CORIN: variants seen among roughly 807,000 people sequenced by gnomAD.
CORIN encodes atrial natriuretic peptide-converting enzyme.
A neutral mutation model predicts 125.3 loss-of-function variants in CORIN; 117 were observed. That is an observed-to-expected ratio of 0.93 (90% confidence interval 0.80 to 1.09). CORIN has a LOEUF of 1.09. Among genes scored for constraint, CORIN ranks in the 50% least tolerant of loss-of-function variants. The pLI, the probability that CORIN is intolerant of heterozygous loss-of-function variation, is 0.00. For synonymous variants in CORIN, 450 were observed against 466.4 expected, an observed-to-expected ratio of 0.96 and a Z score of 0.45; for missense variants, 1,253 against 1,306.7, an observed-to-expected ratio of 0.96 and a Z score of 0.63.
At chr4:47,727,170 T>G (rs1193315142) in intron 5 of CORIN, among the ~76,000 whole-genome samples, 2 of 152,044 alleles carry the variant, frequency 1.3e-5, no homozygotes, top group Non-Finnish European at 2.9e-5. Context: ...ATAATTTTAA[T>G]GATAAATCAT....
chr4:47,731,348 G>A (rs552452552), intron 5 of CORIN, among the ~76,000 whole-genome samples: 12 of 152,316 alleles, frequency 7.9e-5, no homozygotes, highest in African/African-American at 2.2e-4. Context: ...GAGGAGGGAT[G>A]TGGGCTAGAG....
intron 4 of CORIN, among the ~76,000 whole-genome samples, chr4:47,762,477 T>C (rs1213671018): frequency 6.6e-6 from 1 of 152,230 alleles, no homozygotes; most frequent in African/African-American, 2.4e-5. Context: ...AAAAATTCCA[T>C]GATATACTTT....
rs939033106 is a variant in CORIN at position 47,678,203 on chromosome 4, G to T, written c.1133-149C>A. On this transcript the variant is annotated intron_variant, in intron 8 of 21. Transcript: ENST00000273857. ...GAACATATCATTGATTTTATTTCTA[G>T]AATTTTTCCTGCCTTATTGAACAGC... 3 of 638,246 alleles carry T rather than the reference G, an allele frequency of 4.7e-6. No homozygotes were observed. The African/African-American group carries it at 5.5e-5, about 12-fold the overall frequency. The allele number at this position is 638,246 out of a possible 1,614,324, so 39.5% of individuals were successfully genotyped here. A position where few individuals can be genotyped will look rare whatever the true frequency, so the allele number is the denominator to read the frequency against.
At chr4:47,633,306 A>C (rs1722911825) in intron 16 of CORIN, among the ~76,000 whole-genome samples, 1 of 152,208 alleles carries the variant, frequency 6.6e-6, no homozygotes, top group Non-Finnish European at 1.5e-5. Context: ...ACAAAATTGT[A>C]ATGTGAACTA....
Position 47,791,917 on chromosome 4 carries a change from C to T in CORIN, c.209-4992G>A, listed in dbSNP as rs112481358. 2.6e-3 allele frequency among the ~76,000 whole-genome samples: 401 copies of T among 152,152 alleles called. 2 individuals are homozygous for T. The highest frequency in any genetic ancestry group is 8.6e-3 in the African/African-American group (356 of 41,488). ...ATGTTTATAGATTAGTTGAGGGAGA[C>T]GGGCAGGCAATCTAAAAAATATTAA... On this transcript the variant is annotated intron_variant, in intron 2 of 21. Coordinates refer to ENST00000273857, the MANE Select transcript of CORIN (RefSeq NM_006587.4).
intron 12 of CORIN, 89 bp from the exon 13 acceptor site, chr4:47,653,749 CT>C: frequency 1.7e-6 from 2 of 1,167,132 alleles, no homozygotes; most frequent in Non-Finnish European, 2.5e-6. Context: ...TGTCAAGGAG[CT>C]TTTACTGAAG....
intron 1 of CORIN, among the ~76,000 whole-genome samples, chr4:47,815,029 G>A (rs1433384321): frequency 1.3e-5 from 2 of 152,094 alleles, no homozygotes; most frequent in Non-Finnish European, 2.9e-5. Flanking sequence ...TAACATTAGT[G>A]TTTCTGTTTT....
intron 9 of CORIN, 116 bp downstream of exon 9, chr4:47,677,822 G>A (rs1199525087): frequency 2.8e-6 from 2 of 723,298 alleles, no homozygotes; most frequent in Non-Finnish European, 4.9e-6. Flanking sequence ...ACTATGTTAG[G>A]CAATCTGGGA....
intron 12 of CORIN, chr4:47,661,470 CA>C (rs1005077213): frequency 4.5e-6 from 2 of 443,386 alleles, no homozygotes; most frequent in Non-Finnish European, 4.0e-6. Flanking sequence ...TATGTACCCA[CA>C]AAAATAAAAG....
Position 47,786,917 on chromosome 4 carries a change from G to A in CORIN, c.217C>T (p.Gln73Ter). 1.2e-6 allele frequency: 2 copies of A among 1,609,086 alleles called. No individual in the cohort carries two copies. The highest frequency in any genetic ancestry group is 1.7e-6 in the Non-Finnish European group (2 of 1,176,068). The part of the protein sequence containing the change: ...VILLSYVGTL[Q>*]KVYFKSNGSE... ...CCATTTGATTTAAAATAGACCTTTT[G>A]TAATGTTCCTGAAAGACAAAAACAA... Residue 73 changes from glutamine (Q) to a stop codon, truncating the protein, a stop_gained, in exon 3 of 22, where the codon CAA becomes TAA. Coordinates refer to ENST00000273857, the MANE Select transcript of CORIN (RefSeq NM_006587.4). LOFTEE classifies it high-confidence loss of function.
At chr4:47,713,991 T>C (rs1726975388) in intron 5 of CORIN, among the ~76,000 whole-genome samples, 1 of 152,148 alleles carries the variant, frequency 6.6e-6, no homozygotes, top group South Asian at 2.1e-4. Context: ...TGAATTAAAA[T>C]AGAGGTACCT....
At chr4:47,661,194 G>T (rs1166702334) in intron 12 of CORIN, among the ~76,000 whole-genome samples, 1 of 152,052 alleles carries the variant, frequency 6.6e-6, no homozygotes, top group Non-Finnish European at 1.5e-5. Context: ...GGGTAGTGGT[G>T]GGGGAAAGCA....
Position 47,595,674 on chromosome 4 carries a change from C to G in CORIN, c.*47G>C. The G allele has an allele frequency of 6.7e-7, 1 of 1,489,662 alleles. No homozygotes were observed. Among genetic ancestry groups the G allele is most frequent in the Non-Finnish European group, 9.1e-7 (1 of 1,100,166 alleles). 92.3% of individuals were successfully genotyped at this position (1,489,662 alleles called of 1,614,324 possible). A position where few individuals can be genotyped will look rare whatever the true frequency, so the allele number is the denominator to read the frequency against. Reference sequence around the variant, plus strand: ...GGCAGCTCTTCACAGTCAAGAAGGCCATTTTCTTTTAGTGTAGCTGGCAAA... The same window carrying G: ...GGCAGCTCTTCACAGTCAAGAAGGCGATTTTCTTTTAGTGTAGCTGGCAAA... On this transcript the variant is annotated 3_prime_UTR_variant, in exon 22 of 22. Transcript: ENST00000273857.
intron 21 of CORIN, among the ~76,000 whole-genome samples, chr4:47,596,185 A>T (rs1375699447): frequency 6.6e-6 from 1 of 152,174 alleles, no homozygotes; most frequent in Non-Finnish European, 1.5e-5. Flanking sequence ...TTCTGCACTT[A>T]TAAAAATATG....
At chr4:47,768,433 C>T (rs1729866133) in intron 3 of CORIN, among the ~76,000 whole-genome samples, 1 of 152,174 alleles carries the variant, frequency 6.6e-6, no homozygotes, top group African/African-American at 2.4e-5. Flanking sequence ...TCAAACTCTT[C>T]CAAAAAACTG....
chr4:47,735,264 G>A (rs1688308212), intron 5 of CORIN, among the ~76,000 whole-genome samples: 1 of 152,150 alleles, frequency 6.6e-6, no homozygotes, highest in Non-Finnish European at 1.5e-5. Flanking sequence ...CACAAACTAT[G>A]AATAGTGTCT....
intron 1 of CORIN, among the ~76,000 whole-genome samples, chr4:47,814,657 T>C (rs61756994): frequency 6.6e-6 from 1 of 152,162 alleles, no homozygotes; most frequent in Non-Finnish European, 1.5e-5. Context: ...AAAATCATCA[T>C]GTCTTTTGGT....
At chr4:47,599,630 G>A (rs1331212655) in intron 21 of CORIN, among the ~76,000 whole-genome samples, 1 of 152,114 alleles carries the variant, frequency 6.6e-6, no homozygotes, top group Non-Finnish European at 1.5e-5. Context: ...AATATGTTCT[G>A]CAAACTCTCA....
chr4:47,688,937 T>TA (rs1725646321), intron 6 of CORIN, among the ~76,000 whole-genome samples: 1 of 152,250 alleles, frequency 6.6e-6, no homozygotes, highest in Non-Finnish European at 1.5e-5. Context: ...TTATTATAGA[T>TA]ACAGTCATTT....
Sources: gnomAD v4.1 joint callset for allele counts (sites outside exome capture counted in the v4.1 genomes callset) on GRCh38, gnomAD v4.1.1 for gene constraint, MANE v1.5 for transcripts, NCBI Gene and HGNC (gene_info 2026-07-23, HGNC 2026-07-21) for gene names.